The following PHEX variants were observed in gnomAD, a reference collection of about 807,000 sequenced individuals.
The protein encoded by PHEX is phosphate-regulating neutral endopeptidase PHEX.
PHEX carries 16 observed loss-of-function variants against 68.0 expected under a neutral mutation model. That is an observed-to-expected ratio of 0.24 (90% CI 0.16 to 0.36). The LOEUF is 0.36. Ranked by LOEUF, PHEX falls within the 10% of genes least tolerant of loss-of-function variation. The probability of loss-of-function intolerance (pLI) is 1.00; values close to 1 mark genes in which losing one functional copy is unlikely to be tolerated. For synonymous variants in PHEX, 208 were observed against 205.1 expected (o/e 1.01, Z -0.12); for missense variants, 480 against 575.5 (o/e 0.83, Z 1.70).
intron 17 of PHEX, 55 bp from the exon 18 acceptor site, chrX:22,221,558 A>G: frequency 9.3e-7 from 1 of 1,071,938 alleles, no homozygotes; most frequent in South Asian, 1.9e-5. Context: ...GAAAGGAAAG[A>G]TGAATTTAGT....
At chrX:22,061,459 G>A (rs1243883630) in intron 3 of PHEX, among the ~76,000 whole-genome samples, 1 of 111,493 alleles carries the variant, frequency 9.0e-6, no homozygotes, top group African/African-American at 3.3e-5. Context: ...TACTACTAAT[G>A]GGGAGATAAT....
At chrX:22,038,767 C>A (rs1927139655) in intron 2 of PHEX, among the ~76,000 whole-genome samples, 2 of 111,694 alleles carry the variant, frequency 1.8e-5, no homozygotes, top group Non-Finnish European at 3.8e-5. Context: ...AGCGTTGTTA[C>A]AAGGAAATCA....
Position 22,185,904 on chromosome X carries a change from C to T in PHEX, c.1587-4540C>T, listed in dbSNP as rs149267704. On this transcript the variant is annotated intron_variant, in intron 14 of 21. Coordinates refer to ENST00000379374, the MANE Select transcript of PHEX (RefSeq NM_000444.6). ...CTGAGTAGCTGAGATTACAGGTGCC[C>T]GCCACCACGCTGAGCTAATTTTTGT... Among the ~76,000 whole-genome samples, 119 of 109,605 alleles carry T rather than the reference C, an allele frequency of 1.1e-3. 3 individuals are homozygous for T. In the East Asian group the frequency reaches 0.031, roughly 29 times the overall value.
At chrX:22,177,927 G>A (rs781219229) in intron 13 of PHEX, among the ~76,000 whole-genome samples, 134 of 112,183 alleles carry the variant, frequency 1.2e-3, no homozygotes, top group African/African-American at 3.8e-3. Flanking sequence ...TCAAGGACTC[G>A]TGAGCCAAGA....
At chrX:22,055,900 G>A (rs1928082549) in intron 3 of PHEX, among the ~76,000 whole-genome samples, 1 of 111,688 alleles carries the variant, frequency 9.0e-6, no homozygotes, top group African/African-American at 3.3e-5. Context: ...CTCAGTGCAT[G>A]TCCTTGTCTT....
intron 11 of PHEX, among the ~76,000 whole-genome samples, chrX:22,123,101 C>G (rs1272479966): frequency 9.3e-6 from 1 of 107,162 alleles, no homozygotes; most frequent in African/African-American, 3.4e-5. Flanking sequence ...GCCATCTTCC[C>G]ACTTTAGCCT....
rs1234879854 is a variant in PHEX, at chrX:22,128,797, T to C, written c.1303-4726T>C. Among the ~76,000 whole-genome samples the C allele has an allele frequency of 4.6e-5, 5 of 109,652 alleles. 1 individual carries two copies. The East Asian group carries it at 1.4e-3, about 32-fold the overall frequency. ...AGGGAACCTTTTATTGTCCTCTTTG[T>C]CCCTATCTGTAAATATAGTAATCCC... On this transcript the variant is annotated intron_variant, in intron 11 of 21. Coordinates refer to ENST00000379374, the MANE Select transcript of PHEX (RefSeq NM_000444.6).
At chrX:22,192,600 G>A (rs1234496689) in intron 15 of PHEX, among the ~76,000 whole-genome samples, 1 of 111,801 alleles carries the variant, frequency 8.9e-6, no homozygotes, top group Non-Finnish European at 1.9e-5. Context: ...TGTTTATAGA[G>A]CACACCTGAC....
rs551356990 is a variant in PHEX, at chrX:22,050,304, G to A, written c.349+3093G>A. On this transcript the variant is annotated intron_variant, in intron 3 of 21. Transcript: ENST00000379374. ...TAAGAAATACCAGAACAGGCTGAGC[G>A]TGGTGGCTAACACCTGTAATCCCAG... 8.0e-5 allele frequency among the ~76,000 whole-genome samples: 9 copies of A among 111,866 alleles called. No individual in the cohort carries two copies. The South Asian group carries it at 2.9e-3, about 37-fold the overall frequency.
chrX:22,234,488 A>T (rs756126250), intron 20 of PHEX, among the ~76,000 whole-genome samples: 10 of 110,442 alleles, frequency 9.1e-5, no homozygotes, highest in Admixed American at 1.9e-4. Context: ...GACATCTGGC[A>T]GTCTGGCCAC....
At chrX:22,231,478 C>A (rs1935733922) in intron 20 of PHEX, among the ~76,000 whole-genome samples, 1 of 110,060 alleles carries the variant, frequency 9.1e-6, no homozygotes, top group Non-Finnish European at 1.9e-5. Context: ...AGGGATTCAA[C>A]TTCTACCTGG....
Position 22,249,484 on chromosome X carries a change from A to ATG in PHEX, c.*1532_*1533insGT, listed in dbSNP as rs1936510097. 1 of 86,669 alleles carries ATG rather than the reference A, an allele frequency of 1.2e-5. No individual in the cohort carries two copies. Among genetic ancestry groups the ATG allele is most frequent in the African/African-American group, 4.9e-5 (1 of 20,465 alleles). 7.1% of individuals were successfully genotyped at this position (86,669 alleles called of 1,213,427 possible). ...TATATATATATATATATATATATAT[A>ATG]TATGTATATCTACCTAAGTGTGTGC... On this transcript the variant is annotated 3_prime_UTR_variant, in exon 22 of 22. Coordinates refer to ENST00000379374, the MANE Select transcript of PHEX (RefSeq NM_000444.6).
rs192804182 is a variant in PHEX at position 22,033,756 on chromosome X, A to G, written c.118+633A>G. On this transcript the variant is annotated intron_variant, in intron 1 of 21. Transcript: ENST00000379374. ...TAATGACTGTTGGTGAGAATGATGTACCCAGAGAGTATATAGGATGATAGA... is the reference window on the plus strand; with the variant it reads ...TAATGACTGTTGGTGAGAATGATGTGCCCAGAGAGTATATAGGATGATAGA... Among the ~76,000 whole-genome samples the G allele has an allele frequency of 4.5e-5, 5 of 112,254 alleles. No individual in the cohort carries two copies. The East Asian group carries it at 1.4e-3, about 31-fold the overall frequency.
At chrX:22,173,266 C>T (rs1003388711) in intron 13 of PHEX, among the ~76,000 whole-genome samples, 1 of 111,940 alleles carries the variant, frequency 8.9e-6, no homozygotes, top group Non-Finnish European at 1.9e-5. Context: ...GCCCCCCAAC[C>T]TTCCAGCCAG....
In PHEX at chrX:22,247,839, A is replaced by G. The variant is rs1464955441; in HGVS notation, c.2148-12A>G. The stretch of plus-strand genomic sequence containing the variant: ...AATTATATGACATATGCTTTGACAT[A>G]TCGTTTTTCAGGGTCAATGGTGCAA... On this transcript the variant is annotated splice_polypyrimidine_tract_variant and intron_variant, in intron 21 of 21. Coordinates refer to ENST00000379374, the MANE Select transcript of PHEX (RefSeq NM_000444.6). 3 of 1,128,504 alleles carry G rather than the reference A, an allele frequency of 2.7e-6. No individual in the cohort carries two copies. The highest frequency in any genetic ancestry group is 3.7e-6 in the Non-Finnish European group (3 of 819,444). The allele number at this position is 1,128,504 out of a possible 1,213,427, so 93.0% of individuals were successfully genotyped here. A position where few individuals can be genotyped will look rare whatever the true frequency, so the allele number is the denominator to read the frequency against.
intron 6 of PHEX, among the ~76,000 whole-genome samples, chrX:22,092,749 C>CTTTCTTT (rs1929948719): frequency 1.3e-5 from 1 of 77,953 alleles, no homozygotes; most frequent in African/African-American, 5.6e-5. Flanking sequence ...TTCTTTCTTT[C>CTTTCTTT]TTTTTTTTTT....
At chrX:22,238,263 A>G (rs975711644) in intron 20 of PHEX, among the ~76,000 whole-genome samples, 1 of 112,312 alleles carries the variant, frequency 8.9e-6, no homozygotes, top group South Asian at 3.7e-4. Flanking sequence ...CTGGTTGGAC[A>G]GTGGGTGCAG....
chrX:22,061,322 G>A (rs1928353019), intron 3 of PHEX, among the ~76,000 whole-genome samples: 1 of 111,480 alleles, frequency 9.0e-6, no homozygotes, highest in African/African-American at 3.3e-5. Flanking sequence ...TGTATTTCCA[G>A]ACTCTCTGAT....
rs181869575 is a variant in PHEX, at chrX:22,112,244, T to C, written c.1173+684T>C. 5.6e-3 allele frequency among the ~76,000 whole-genome samples: 622 copies of C among 110,987 alleles called. 4 individuals are homozygous for C. Among genetic ancestry groups the C allele is most frequent in the African/African-American group, 0.019 (589 of 30,489 alleles). On this transcript the variant is annotated intron_variant, in intron 10 of 21. Transcript: ENST00000379374. Reference sequence around the variant, plus strand: ...ATCCTCTCACCTCAGCTTCCCAAAGTGCTGGGATTAAAGGCACGAGCCACT... The same window carrying C: ...ATCCTCTCACCTCAGCTTCCCAAAGCGCTGGGATTAAAGGCACGAGCCACT...
Sources: gnomAD v4.1 joint callset for allele counts (sites outside exome capture counted in the v4.1 genomes callset) on GRCh38, gnomAD v4.1.1 for gene constraint, MANE v1.5 for transcripts, NCBI Gene and HGNC (gene_info 2026-07-23, HGNC 2026-07-21) for gene names.